The following VPS8 variants were observed in gnomAD, a reference collection of about 807,000 sequenced individuals.
VPS8 encodes VPS8 subunit of CORVET complex, also known as vacuolar protein sorting-associated protein 8 homolog.
Under a neutral mutation model 216.4 loss-of-function variants are expected in VPS8, and 129 were observed. That is an observed-to-expected ratio of 0.60 (90% CI 0.52 to 0.69). VPS8 has a LOEUF of 0.69. Ranked by LOEUF, VPS8 falls within the 30% of genes least tolerant of loss-of-function variation. VPS8 has a pLI of 0.00. For synonymous variants in VPS8, 571 were observed against 565.4 expected, an observed-to-expected ratio of 1.01 and a Z score of -0.14; for missense variants, 1,531 against 1,683.5, an observed-to-expected ratio of 0.91 and a Z score of 1.59.
chr3:184,853,176 T>C (rs1278321023), intron 11 of VPS8, among the ~76,000 whole-genome samples: 2 of 152,302 alleles, frequency 1.3e-5, no homozygotes, highest in African/African-American at 2.4e-5. Flanking sequence ...CTCCTATGTG[T>C]AGGTATTTAT....
chr3:185,036,772 A>G (rs995053601), intron 46 of VPS8, among the ~76,000 whole-genome samples: 2 of 151,970 alleles, frequency 1.3e-5, no homozygotes, highest in African/African-American at 4.8e-5. Flanking sequence ...TAGTGCATAT[A>G]TAGTTATATT....
chr3:185,029,245 G>T (rs1757781233), intron 46 of VPS8, among the ~76,000 whole-genome samples: 1 of 152,224 alleles, frequency 6.6e-6, no homozygotes, highest in African/African-American at 2.4e-5. Flanking sequence ...ACAGATGGAA[G>T]CAGCAGTAGT....
In VPS8 at chr3:185,052,374, G is replaced by A; in HGVS notation, c.*349G>A. 1 of 191,300 alleles carries A rather than the reference G, an allele frequency of 5.2e-6. No homozygotes were observed. The highest frequency in any genetic ancestry group is 1.1e-5 in the Non-Finnish European group (1 of 93,400). 11.9% of individuals were successfully genotyped at this position (191,300 alleles called of 1,614,324 possible). On this transcript the variant is annotated 3_prime_UTR_variant, in exon 48 of 48. Coordinates refer to ENST00000625842, the MANE Select transcript of VPS8 (RefSeq NM_001009921.3). ...GAAAGTAGGTGGAACTCACACAAAT[G>A]GCATTCCAGAGTCTGCCATACTCCG... is the stretch of plus-strand genomic sequence containing the variant.
intron 34 of VPS8, among the ~76,000 whole-genome samples, chr3:184,933,654 G>A (rs778407700): frequency 6.6e-6 from 1 of 151,930 alleles, no homozygotes; most frequent in Non-Finnish European, 1.5e-5. Flanking sequence ...TAATTTTTGT[G>A]CATAGTATGA....
At chr3:184,836,146 A>G in intron 5 of VPS8, 1 of 395,246 alleles carries the variant, frequency 2.5e-6, no homozygotes, top group South Asian at 1.9e-5. Flanking sequence ...TACTATAACA[A>G]TTGGGGTATC....
At chr3:184,817,739 C>T (rs554221457) in intron 1 of VPS8, among the ~76,000 whole-genome samples, 2 of 152,234 alleles carry the variant, frequency 1.3e-5, no homozygotes, top group Non-Finnish European at 2.9e-5. Flanking sequence ...TTATTCCTGT[C>T]TCTTAGTTCC....
chr3:184,988,510 A>G (rs946581109), intron 42 of VPS8, among the ~76,000 whole-genome samples: 3 of 152,162 alleles, frequency 2.0e-5, no homozygotes, highest in Admixed American at 2.0e-4. Flanking sequence ...TTCTTTTACA[A>G]TGATCTATTT....
chr3:184,911,933 T>C (rs1334875577), intron 25 of VPS8, among the ~76,000 whole-genome samples: 1 of 152,218 alleles, frequency 6.6e-6, no homozygotes. Flanking sequence ...AAGCCTTCAG[T>C]TTGTGTCCGG....
intron 28 of VPS8, 34 bp downstream of exon 28, chr3:184,915,508 A>C (rs1294028682): frequency 5.6e-6 from 9 of 1,602,536 alleles, no homozygotes; most frequent in Non-Finnish European, 7.7e-6. Context: ...GTGTTTTCAA[A>C]GAAGACAGAG....
intron 21 of VPS8, among the ~76,000 whole-genome samples, chr3:184,871,035 G>A (rs1280879282): frequency 6.6e-6 from 1 of 152,074 alleles, no homozygotes; most frequent in Non-Finnish European, 1.5e-5. Flanking sequence ...AGTGGCGTGT[G>A]GAAGGAAAGG....
intron 24 of VPS8, 76 bp from the exon 25 acceptor site, chr3:184,900,845 A>G: frequency 7.8e-7 from 1 of 1,286,326 alleles, no homozygotes; most frequent in Non-Finnish European, 1.1e-6. Context: ...ATGGTGATGA[A>G]TAGCATAAGA....
At chr3:184,959,030 A>AAT (rs1746068591) in intron 37 of VPS8, among the ~76,000 whole-genome samples, 1 of 152,178 alleles carries the variant, frequency 6.6e-6, no homozygotes, top group Non-Finnish European at 1.5e-5. Context: ...AGACCTTTAA[A>AAT]AGTCTCTCGT....
At chr3:184,814,563 C>T (rs1266677621) in intron 1 of VPS8, among the ~76,000 whole-genome samples, 1 of 152,108 alleles carries the variant, frequency 6.6e-6, no homozygotes, top group Non-Finnish European at 1.5e-5. Context: ...GTGGTTGTAA[C>T]ACAATGGCCA....
At chr3:184,905,067 A>G (rs1018477402) in intron 25 of VPS8, among the ~76,000 whole-genome samples, 10 of 152,168 alleles carry the variant, frequency 6.6e-5, no homozygotes, top group African/African-American at 2.2e-4. Context: ...TTGTGTCCTC[A>G]CTTGGCAGAA....
At chr3:184,897,394 A>G (rs1428906888) in intron 23 of VPS8, among the ~76,000 whole-genome samples, 2 of 152,336 alleles carry the variant, frequency 1.3e-5, no homozygotes, top group East Asian at 3.9e-4. Flanking sequence ...AACAGGGTGA[A>G]TAGTGAGTGA....
At chr3:184,927,583 A>G (rs1411966021) in intron 31 of VPS8, among the ~76,000 whole-genome samples, 1 of 151,550 alleles carries the variant, frequency 6.6e-6, no homozygotes, top group Non-Finnish European at 1.5e-5. Flanking sequence ...ATTGTGGTAA[A>G]ATAGACGTAA....
intron 25 of VPS8, 83 bp from the exon 26 acceptor site, chr3:184,913,436 A>C (rs1195330820): frequency 1.6e-6 from 2 of 1,263,608 alleles, no homozygotes; most frequent in Non-Finnish European, 2.2e-6. Flanking sequence ...GCCAAGTTTT[A>C]TTTTTTTGTT....
intron 45 of VPS8, among the ~76,000 whole-genome samples, chr3:185,004,373 G>C (rs1000234438): frequency 6.6e-6 from 1 of 152,284 alleles, no homozygotes; most frequent in Non-Finnish European, 1.5e-5. Flanking sequence ...GCAGGCACTC[G>C]GCAGGCTGAG....
intron 36 of VPS8, among the ~76,000 whole-genome samples, chr3:184,954,486 C>G (rs1316364162): frequency 6.6e-6 from 1 of 152,168 alleles, no homozygotes; most frequent in Non-Finnish European, 1.5e-5. Flanking sequence ...CCAGGAGCCT[C>G]CAGCCCTCAG....
Sources: gnomAD v4.1 joint callset for allele counts (sites outside exome capture counted in the v4.1 genomes callset) on GRCh38, gnomAD v4.1.1 for gene constraint, MANE v1.5 for transcripts, NCBI Gene and HGNC (gene_info 2026-07-23, HGNC 2026-07-21) for gene names.